The following ZNF385D variants were observed in gnomAD, a reference collection of about 807,000 sequenced individuals.
ZNF385D encodes zinc finger protein 659.
In ZNF385D, 15 loss-of-function variants were observed where a neutral mutation model predicts 35.8. The observed-to-expected ratio is 0.42, with a 90% confidence interval of 0.28 to 0.64. The LOEUF is 0.64. ZNF385D is among the 30% of genes least tolerant of loss of function. The probability of loss-of-function intolerance (pLI) is 0.23; values close to 1 mark genes in which losing one functional copy is unlikely to be tolerated. For synonymous variants in ZNF385D, 212 were observed against 186.8 expected, an observed-to-expected ratio of 1.13 and a Z score of -1.10; for missense variants, 474 against 494.6, an observed-to-expected ratio of 0.96 and a Z score of 0.39.
chr3:21,890,269 C>G lies in ZNF385D; in HGVS notation c.326-225241G>C, dbSNP rs187120096. ...GTCTCAAACTGAGAAAAAAAGTTTTCCTTAAGACTAAAAGAAGTGGGAAAG... is the reference window on the plus strand; with the variant it reads ...GTCTCAAACTGAGAAAAAAAGTTTTGCTTAAGACTAAAAGAAGTGGGAAAG... On this transcript the variant is annotated intron_variant, in intron 3 of 5. Transcript: ENST00000494108. 7.9e-5 allele frequency among the ~76,000 whole-genome samples: 12 copies of G among 152,166 alleles called. 1 individual carries two copies. Among genetic ancestry groups the G allele is most frequent in the Admixed American group, 6.5e-4 (10 of 15,274 alleles).
chr3:22,037,792 G>C (rs1260146924), intron 3 of ZNF385D, among the ~76,000 whole-genome samples: 1 of 152,142 alleles, frequency 6.6e-6, no homozygotes, highest in Non-Finnish European at 1.5e-5. Flanking sequence ...CCATGCCTAT[G>C]TCCTGAATGG....
chr3:21,500,276 T>C (rs920195771), intron 4 of ZNF385D, among the ~76,000 whole-genome samples: 10 of 152,200 alleles, frequency 6.6e-5, no homozygotes, highest in African/African-American at 1.4e-4. Flanking sequence ...ACTATTAAAA[T>C]AATTCCTAGC....
intron 3 of ZNF385D, among the ~76,000 whole-genome samples, chr3:21,854,844 T>A (rs546125095): frequency 2.0e-5 from 3 of 152,128 alleles, no homozygotes; most frequent in Admixed American, 6.6e-5. Context: ...TTAATTAATG[T>A]CATTGGGTAA....
chr3:22,069,505 T>A (rs1186902979), intron 3 of ZNF385D, among the ~76,000 whole-genome samples: 1 of 152,148 alleles, frequency 6.6e-6, no homozygotes, highest in Admixed American at 6.5e-5. Flanking sequence ...ACAATAATAA[T>A]GGCATGCTAA....
At chr3:21,999,623 C>A (rs1254528888) in intron 3 of ZNF385D, among the ~76,000 whole-genome samples, 1 of 152,070 alleles carries the variant, frequency 6.6e-6, no homozygotes, top group African/African-American at 2.4e-5. Flanking sequence ...TTAGCTACCA[C>A]CTCTGACACT....
At chr3:21,797,854 G>A (rs1368175872) in intron 3 of ZNF385D, among the ~76,000 whole-genome samples, 1 of 152,086 alleles carries the variant, frequency 6.6e-6, no homozygotes, top group Non-Finnish European at 1.5e-5. Context: ...GGGTAGGAGT[G>A]GGGGATGCAT....
At chr3:21,556,067 T>G (rs4566556) in intron 3 of ZNF385D, among the ~76,000 whole-genome samples, 9 of 127,070 alleles carry the variant, frequency 7.1e-5, no homozygotes, top group East Asian at 4.5e-4. Flanking sequence ...TTTTTGTTTT[T>G]GTTTTTTTTT....
intron 1 of ZNF385D, among the ~76,000 whole-genome samples, chr3:21,684,480 G>A (rs2125324563): frequency 6.9e-6 from 1 of 143,930 alleles, no homozygotes; most frequent in Admixed American, 7.3e-5. Flanking sequence ...ACCATCAACT[G>A]TGACCCAACC....
intron 1 of ZNF385D, among the ~76,000 whole-genome samples, chr3:21,712,683 C>G (rs2068159642): frequency 6.6e-6 from 1 of 152,086 alleles, no homozygotes; most frequent in African/African-American, 2.4e-5. Context: ...GAAGAATATC[C>G]CAGTTTGCAA....
At position 22,041,210 on chromosome 3, in the gene ZNF385D, T is replaced by C. The variant is rs147140854; in HGVS notation, c.325+127607A>G. On this transcript the variant is annotated intron_variant, in intron 3 of 5. Transcript: ENST00000494108. ...TTCAAGTCTAGTTGAAGAGAAAAAC[T>C]CTCTGAAAAATCTCTAGAAATGACA... is the stretch of plus-strand genomic sequence containing the variant. Among the ~76,000 whole-genome samples the C allele has an allele frequency of 2.6e-4, 39 of 152,152 alleles. 1 individual carries two copies. Among genetic ancestry groups the C allele is most frequent in the African/African-American group, 7.2e-4 (30 of 41,506 alleles).
intron 2 of ZNF385D, among the ~76,000 whole-genome samples, chr3:22,353,878 T>C (rs965408672): frequency 6.6e-6 from 1 of 152,116 alleles, no homozygotes; most frequent in Non-Finnish European, 1.5e-5. Context: ...GCTCACATGT[T>C]CTACTACCAG....
intron 2 of ZNF385D, among the ~76,000 whole-genome samples, chr3:21,605,789 G>A (rs2064461476): frequency 6.6e-6 from 1 of 152,158 alleles, no homozygotes; most frequent in Admixed American, 6.5e-5. Context: ...TAAGGATATG[G>A]ATGAGGACAT....
intron 3 of ZNF385D, among the ~76,000 whole-genome samples, chr3:21,555,801 A>G (rs934290099): frequency 6.6e-6 from 1 of 152,174 alleles, no homozygotes; most frequent in Admixed American, 6.5e-5. Context: ...TGTCTTCACA[A>G]TGGTTGAACT....
At chr3:21,626,699 G>A (rs2065143875) in intron 2 of ZNF385D, among the ~76,000 whole-genome samples, 1 of 152,106 alleles carries the variant, frequency 6.6e-6, no homozygotes, top group African/African-American at 2.4e-5. Flanking sequence ...ATGCCTGAAT[G>A]TGATGGGAAG....
intron 3 of ZNF385D, among the ~76,000 whole-genome samples, chr3:21,516,975 A>T (rs1358385368): frequency 1.3e-5 from 2 of 151,766 alleles, no homozygotes; most frequent in African/African-American, 2.4e-5. Flanking sequence ...TTGTTTTTTT[A>T]AAAAAATCTA....
chr3:21,760,697 G>C (rs774115600), intron 3 of ZNF385D, among the ~76,000 whole-genome samples: 1 of 152,046 alleles, frequency 6.6e-6, no homozygotes, highest in Non-Finnish European at 1.5e-5. Context: ...GAGCAGTACT[G>C]ACTAAATATA....
chr3:22,111,664 T>A (rs774829513), intron 3 of ZNF385D, among the ~76,000 whole-genome samples: 1 of 152,146 alleles, frequency 6.6e-6, no homozygotes, highest in African/African-American at 2.4e-5. Context: ...GTTGTTAGAC[T>A]TACGCTGTCT....
chr3:22,372,501 C>A lies in ZNF385D; in HGVS notation c.55G>T (p.Gly19Ter). The A allele has an allele frequency of 2.0e-6, 2 of 985,882 alleles. No homozygotes were observed. Among genetic ancestry groups the A allele is most frequent in the Non-Finnish European group, 2.4e-6 (2 of 829,962 alleles). The allele number at this position is 985,882 out of a possible 1,614,324, so 61.1% of individuals were successfully genotyped here. A position where few individuals can be genotyped will look rare whatever the true frequency, so the allele number is the denominator to read the frequency against. The change falls in exon 2 of 6, where the codon GGA becomes TGA. Residue 19 changes from glycine (G) to a stop codon, truncating the protein, a stop_gained. Transcript: ENST00000494108. LOFTEE classifies it high-confidence loss of function. ...CCCAGGAGCTTTTCTCTCCTTCCTCCCACCGAGCTCTTCATTCTCCTGCTG... is the reference window on the plus strand; with the variant it reads ...CCCAGGAGCTTTTCTCTCCTTCCTCACACCGAGCTCTTCATTCTCCTGCTG...
chr3:21,432,214 G>A (rs539719008), intron 5 of ZNF385D, among the ~76,000 whole-genome samples: 2 of 152,018 alleles, frequency 1.3e-5, no homozygotes, highest in East Asian at 3.9e-4. Flanking sequence ...TGCATTTATT[G>A]TTTTAAGGAT....
Sources: gnomAD v4.1 joint callset for allele counts (sites outside exome capture counted in the v4.1 genomes callset) on GRCh38, gnomAD v4.1.1 for gene constraint, MANE v1.5 for transcripts, NCBI Gene and HGNC (gene_info 2026-07-23, HGNC 2026-07-21) for gene names.